MEF2C: variants seen among roughly 807,000 people sequenced by gnomAD.
MEF2C encodes the protein myocyte-specific enhancer factor 2C.
Under a neutral mutation model 50.5 loss-of-function variants are expected in MEF2C, and 6 were observed. The observed-to-expected ratio is 0.12, with a 90% CI of 0.07 to 0.23. The LOEUF (loss-of-function observed/expected upper bound fraction) is 0.23. Among genes scored for constraint, MEF2C ranks in the 10% least tolerant of loss-of-function variants. The pLI, the probability that MEF2C is intolerant of heterozygous loss-of-function variation, is 1.00. For missense variants in MEF2C, 276 were observed against 605.0 expected (o/e 0.46, Z 5.70); for synonymous variants, 183 against 228.0 (o/e 0.80, Z 1.78).
At chr5:88,798,647 T>C (rs1797014895) in intron 3 of MEF2C, among the ~76,000 whole-genome samples, 1 of 152,136 alleles carries the variant, frequency 6.6e-6, no homozygotes, top group African/African-American at 2.4e-5. Flanking sequence ...TCTGTCAATT[T>C]GTCAAACTCA....
chr5:88,837,424 CCGCAAAGCACTAAG>C (rs1169760916), intron 1 of MEF2C, among the ~76,000 whole-genome samples: 3 of 152,048 alleles, frequency 2.0e-5, no homozygotes, highest in South Asian at 4.1e-4. Context: ...TGTTTCCAAA[CCGCAAAGCACTAAG>C]CGCAAAGCAA....
At chr5:88,735,942 T>G in intron 6 of MEF2C, 1 of 985,370 alleles carries the variant, frequency 1.0e-6, no homozygotes, top group Non-Finnish European at 1.2e-6. Context: ...TTTTCTTTTC[T>G]AGGACTTTGA....
intron 10 of MEF2C, among the ~76,000 whole-genome samples, chr5:88,723,261 C>A (rs935765959): frequency 6.6e-6 from 1 of 152,148 alleles, no homozygotes; most frequent in Admixed American, 6.5e-5. Flanking sequence ...TGGACTCTAT[C>A]CCTAGACTAG....
At chr5:88,860,373 T>C (rs1032470247) in intron 1 of MEF2C, among the ~76,000 whole-genome samples, 1 of 152,100 alleles carries the variant, frequency 6.6e-6, no homozygotes, top group African/African-American at 2.4e-5. Context: ...TTGTCTCAAT[T>C]GCCAGGAAGC....
chr5:88,884,799 C>CAA (rs34331976), upstream of MEF2C, among the ~76,000 whole-genome samples: 4,792 of 109,196 alleles, frequency 0.044, 275 homozygotes, highest in African/African-American at 0.15. Flanking sequence ...CTTTTCCTTA[C>CAA]AAAAAAAAAA....
intron 4 of MEF2C, chr5:88,752,521 T>C: frequency 1.9e-5 from 15 of 783,912 alleles, no homozygotes; most frequent in Non-Finnish European, 2.3e-5. Flanking sequence ...ATAGCACATA[T>C]ACCTTAATTA....
At chr5:88,750,849 G>C (rs1772405168) in intron 5 of MEF2C, among the ~76,000 whole-genome samples, 1 of 152,086 alleles carries the variant, frequency 6.6e-6, no homozygotes, top group Non-Finnish European at 1.5e-5. Context: ...AGATATATAA[G>C]TATTCTACAG....
At chr5:88,794,389 T>C (rs1428929130) in intron 3 of MEF2C, among the ~76,000 whole-genome samples, 1 of 152,266 alleles carries the variant, frequency 6.6e-6, no homozygotes, top group Non-Finnish European at 1.5e-5. Context: ...ATTTCTCTAA[T>C]GACCAGTGAT....
At chr5:88,731,492 A>C in intron 7 of MEF2C, 1 of 420,590 alleles carries the variant, frequency 2.4e-6, no homozygotes, top group African/African-American at 2.0e-5. Context: ...CTTATCCTAG[A>C]ACATCAGCCT....
intron 3 of MEF2C, among the ~76,000 whole-genome samples, chr5:88,790,389 G>A (rs921689024): frequency 5.9e-5 from 9 of 152,118 alleles, no homozygotes; most frequent in African/African-American, 2.2e-4. Context: ...AGAAATAAAG[G>A]GATCCTGGGC....
At chr5:88,847,675 CT>C (rs200499181) in intron 1 of MEF2C, among the ~76,000 whole-genome samples, 2 of 151,562 alleles carry the variant, frequency 1.3e-5, no homozygotes, top group South Asian at 2.1e-4. Context: ...CTTTTCTTTT[CT>C]TTTTTTTCAC....
intron 1 of MEF2C, among the ~76,000 whole-genome samples, chr5:88,858,176 T>C (rs906172931): frequency 1.3e-5 from 2 of 152,156 alleles, no homozygotes; most frequent in Admixed American, 1.3e-4. Context: ...CTTTCCTCCT[T>C]GCAAAAACAG....
chr5:88,770,244 G>A (rs1781785747), intron 3 of MEF2C, among the ~76,000 whole-genome samples: 1 of 152,208 alleles, frequency 6.6e-6, no homozygotes, highest in Non-Finnish European at 1.5e-5. Context: ...CAAAAAGGCT[G>A]TATCTTGAGG....
chr5:88,782,037 G>C, intron 3 of MEF2C: 1 of 621,366 alleles, frequency 1.6e-6, no homozygotes, highest in African/African-American at 2.0e-5. Context: ...TTGATCCCAG[G>C]AGTTTGAGAA....
chr5:88,883,784 C>T (rs937440045), upstream of MEF2C: 3 of 152,212 alleles, frequency 2.0e-5, no homozygotes, highest in African/African-American at 4.8e-5. Flanking sequence ...GACCTCGGAG[C>T]ATTTTAATAA....
In MEF2C at chr5:88,804,580, C is replaced by T; in HGVS notation, c.258+18G>A. On this transcript the variant is annotated intron_variant, in intron 3 of 10. Coordinates refer to ENST00000504921, the MANE Select transcript of MEF2C (RefSeq NM_002397.5). Reference sequence around the variant, plus strand: ...CCTGCTTGCGGAGGCTTGGGGCTCACCACGCATGCTCTCTCACCTCCACGA... The same window carrying T: ...CCTGCTTGCGGAGGCTTGGGGCTCATCACGCATGCTCTCTCACCTCCACGA... 1.2e-6 allele frequency: 2 copies of T among 1,612,490 alleles called. No homozygotes were observed. The highest frequency in any genetic ancestry group is 1.7e-6 in the Non-Finnish European group (2 of 1,179,442).
At chr5:88,790,252 C>T (rs1019305771) in intron 3 of MEF2C, among the ~76,000 whole-genome samples, 3 of 152,114 alleles carry the variant, frequency 2.0e-5, no homozygotes, top group Admixed American at 6.6e-5. Flanking sequence ...TGATTCTAAC[C>T]CTCCATAAAA....
chr5:88,729,249 A>G lies in MEF2C; in HGVS notation c.933T>C (p.Tyr311=). The part of the protein sequence containing the change: ...PTLPGQGMGG[Y]PSAISTTYGT... ...CATATGTTGTTGAAATGGCTGATGG[A>G]TATCCTCCCATTCCTTGTCCTGGTA... The change falls in exon 9 of 11, where the codon TAT becomes TAC. Residue 311 remains tyrosine, a synonymous_variant. Coordinates refer to ENST00000504921, the MANE Select transcript of MEF2C (RefSeq NM_002397.5). The G allele has an allele frequency of 6.2e-7, 1 of 1,613,268 alleles. No individual in the cohort carries two copies. The highest frequency in any genetic ancestry group is 8.5e-7 in the Non-Finnish European group (1 of 1,179,416).
rs1799581074 is a variant in MEF2C at position 88,804,539 on chromosome 5, G to C, written c.258+59C>G. Reference sequence around the variant, plus strand: ...GATGTGTGTATGTGTGTGTGGCAGGGGGAGGTCCAAACTCCCCTGCTTGCG... The same window carrying C: ...GATGTGTGTATGTGTGTGTGGCAGGCGGAGGTCCAAACTCCCCTGCTTGCG... On this transcript the variant is annotated intron_variant, in intron 3 of 10. Transcript: ENST00000504921. The C allele has an allele frequency of 5.4e-6, 8 of 1,484,058 alleles. No homozygotes were observed. In the South Asian group the frequency reaches 8.0e-5, roughly 15 times the overall value. 91.9% of individuals were successfully genotyped at this position (1,484,058 alleles called of 1,614,324 possible).
Sources: allele counts gnomAD v4.1 joint callset (sites outside exome capture counted in the v4.1 genomes callset), GRCh38; gene constraint gnomAD v4.1.1; transcripts MANE v1.5; gene names NCBI Gene and HGNC (gene_info 2026-07-23, HGNC 2026-07-21).